RSPO2: variants seen among roughly 807,000 people sequenced by gnomAD.
RSPO2 encodes R-spondin-2.
Under a neutral mutation model 30.9 loss-of-function variants are expected in RSPO2, and 14 were observed. The ratio of observed to expected loss-of-function variants is 0.45; its 90% CI spans 0.30 to 0.71. The LOEUF is 0.71. Ranked by LOEUF, RSPO2 falls within the 30% of genes least tolerant of loss-of-function variation. The pLI, the probability that RSPO2 is intolerant of heterozygous loss-of-function variation, is 0.08. For synonymous variants in RSPO2, 107 were observed against 96.4 expected, an observed-to-expected ratio of 1.11 and a Z score of -0.64; for missense variants, 264 against 301.9, an observed-to-expected ratio of 0.87 and a Z score of 0.93.
chr8:107,974,698 G>C (rs1176350424), intron 3 of RSPO2, among the ~76,000 whole-genome samples: 1 of 152,040 alleles, frequency 6.6e-6, no homozygotes, highest in African/African-American at 2.4e-5. Flanking sequence ...GAGAGACAGG[G>C]AGAGAGGGGA....
intron 2 of RSPO2, among the ~76,000 whole-genome samples, chr8:108,065,431 T>C (rs1401900761): frequency 6.6e-6 from 1 of 151,970 alleles, no homozygotes; most frequent in Non-Finnish European, 1.5e-5. Context: ...ATGGCCAAAA[T>C]GTATAATGAG....
intron 2 of RSPO2, among the ~76,000 whole-genome samples, chr8:108,057,304 A>C (rs1447098206): frequency 6.6e-6 from 1 of 152,068 alleles, no homozygotes; most frequent in East Asian, 1.9e-4. Context: ...GTAGAAGGGA[A>C]AAACATCTGG....
At chr8:108,033,753 C>G (rs1382596905) in intron 2 of RSPO2, among the ~76,000 whole-genome samples, 1 of 152,134 alleles carries the variant, frequency 6.6e-6, no homozygotes, top group African/African-American at 2.4e-5. Context: ...AGACTCTTTT[C>G]AATGTCTTGG....
intron 5 of RSPO2, among the ~76,000 whole-genome samples, chr8:107,908,634 C>A (rs1811728403): frequency 6.6e-6 from 1 of 152,012 alleles, no homozygotes; most frequent in East Asian, 1.9e-4. Context: ...TTGTTGAACC[C>A]CCATTGGAGG....
intron 3 of RSPO2, among the ~76,000 whole-genome samples, chr8:107,975,494 C>G (rs1814173713): frequency 6.6e-6 from 1 of 152,196 alleles, no homozygotes; most frequent in African/African-American, 2.4e-5. Flanking sequence ...CATGTATCTA[C>G]TGAATAACTC....
chr8:107,958,672 T>C (rs1380200774), intron 4 of RSPO2, among the ~76,000 whole-genome samples: 1 of 152,170 alleles, frequency 6.6e-6, no homozygotes, highest in Non-Finnish European at 1.5e-5. Flanking sequence ...CCATTATCTA[T>C]TCTTCCTGAT....
At chr8:107,951,424 C>T (rs146057847) in intron 5 of RSPO2, among the ~76,000 whole-genome samples, 628 of 152,158 alleles carry the variant, frequency 4.1e-3, no homozygotes, top group Non-Finnish European at 6.8e-3. Flanking sequence ...AAGGGAAAAA[C>T]GAGTCTCCTG....
chr8:107,908,766 GAGA>G (rs1811731845), intron 5 of RSPO2, among the ~76,000 whole-genome samples: 1 of 152,142 alleles, frequency 6.6e-6, no homozygotes, highest in Non-Finnish European at 1.5e-5. Context: ...GGGCTAATGA[GAGA>G]AGAAAAGAAA....
At chr8:108,041,464 C>G (rs760058708) in intron 2 of RSPO2, among the ~76,000 whole-genome samples, 54 of 151,680 alleles carry the variant, frequency 3.6e-4, no homozygotes, top group Non-Finnish European at 7.4e-5. Flanking sequence ...AAATTGAGAC[C>G]AACAGCAAAA....
chr8:107,973,284 G>C (rs1354643061), intron 3 of RSPO2, among the ~76,000 whole-genome samples: 9 of 151,492 alleles, frequency 5.9e-5, no homozygotes, highest in Non-Finnish European at 1.2e-4. Flanking sequence ...AAAAAAATGG[G>C]GGGGGAACTA....
chr8:107,987,378 C>G (rs951194676), intron 3 of RSPO2, among the ~76,000 whole-genome samples: 2 of 152,154 alleles, frequency 1.3e-5, no homozygotes. Context: ...TTAGATAATA[C>G]CAAGACTTCT....
At chr8:108,020,519 C>G (rs190251875) in intron 2 of RSPO2, among the ~76,000 whole-genome samples, 1 of 152,184 alleles carries the variant, frequency 6.6e-6, no homozygotes, top group Admixed American at 6.5e-5. Context: ...GTCTCAAACT[C>G]GAGTTTGTTT....
At chr8:108,047,561 C>A (rs983651865) in intron 2 of RSPO2, among the ~76,000 whole-genome samples, 11 of 152,030 alleles carry the variant, frequency 7.2e-5, no homozygotes, top group African/African-American at 2.7e-4. Context: ...CTTTTGGAAG[C>A]CTGTGGTCAG....
At chr8:107,929,947 C>A (rs1311114701) in intron 5 of RSPO2, among the ~76,000 whole-genome samples, 4 of 152,262 alleles carry the variant, frequency 2.6e-5, no homozygotes, top group African/African-American at 7.2e-5. Flanking sequence ...AAAATCTATG[C>A]ATCTATTTGC....
intron 5 of RSPO2, among the ~76,000 whole-genome samples, chr8:107,911,886 G>A (rs926004331): frequency 2.0e-5 from 3 of 152,022 alleles, no homozygotes; most frequent in Non-Finnish European, 4.4e-5. Flanking sequence ...AAATTAATAA[G>A]TAAATACTAG....
intron 2 of RSPO2, among the ~76,000 whole-genome samples, chr8:108,072,418 C>T (rs537664212): frequency 9.4e-5 from 14 of 149,582 alleles, no homozygotes; most frequent in African/African-American, 2.7e-4. Context: ...CTCCGCCTCC[C>T]GGGTTCACGC....
At chr8:107,983,820 AC>A in intron 3 of RSPO2, 1 of 1,604,898 alleles carries the variant, frequency 6.2e-7, no homozygotes, top group Non-Finnish European at 8.5e-7. Flanking sequence ...ACATTCAGAA[AC>A]TGCTACAGCC....
chr8:108,072,489 CTAATTT>C (rs1812886743), intron 2 of RSPO2, among the ~76,000 whole-genome samples: 1 of 117,958 alleles, frequency 8.5e-6, no homozygotes, highest in Non-Finnish European at 1.7e-5. Flanking sequence ...CCAAGCCCGG[CTAATTT>C]TTTTTTTTTT....
intron 3 of RSPO2, among the ~76,000 whole-genome samples, chr8:107,964,708 G>A (rs1813741049): frequency 6.6e-6 from 1 of 152,068 alleles, no homozygotes; most frequent in South Asian, 2.1e-4. Context: ...GCAGGGGGTG[G>A]GGGGAACTCC....
Sources: allele counts gnomAD v4.1 joint callset (sites outside exome capture counted in the v4.1 genomes callset), GRCh38; gene constraint gnomAD v4.1.1; transcripts MANE v1.5; gene names NCBI Gene and HGNC (gene_info 2026-07-23, HGNC 2026-07-21).